Variants in PTPRG observed in about 807,000 individuals in gnomAD.
The protein encoded by PTPRG is protein tyrosine phosphatase receptor type G, also known as receptor-type tyrosine-protein phosphatase gamma.
A neutral mutation model predicts 165.3 loss-of-function variants in PTPRG; 102 were observed. That is an observed-to-expected ratio of 0.62 (90% CI 0.53 to 0.73). The LOEUF is 0.73. PTPRG is among the 30% of genes least tolerant of loss of function. PTPRG has a pLI of 0.00. For synonymous variants in PTPRG, 675 were observed against 669.5 expected (o/e 1.01, Z -0.13); for missense variants, 1,866 against 1,861.4 (o/e 1.00, Z -0.05).
chr3:61,671,779 C>A (rs1344555101), intron 1 of PTPRG, among the ~76,000 whole-genome samples: 3 of 140,582 alleles, frequency 2.1e-5, no homozygotes, highest in East Asian at 2.2e-4. Flanking sequence ...CTGACCCCCC[C>A]ACCTCCCTCC....
intron 2 of PTPRG, among the ~76,000 whole-genome samples, chr3:61,868,499 A>G (rs1475952555): frequency 1.3e-5 from 2 of 152,142 alleles, no homozygotes; most frequent in African/African-American, 4.8e-5. Context: ...TGGGCATTCA[A>G]CACTCTGCCT....
intron 2 of PTPRG, among the ~76,000 whole-genome samples, chr3:61,907,904 T>C (rs2038697208): frequency 6.8e-6 from 1 of 146,320 alleles, no homozygotes; most frequent in Non-Finnish European, 1.5e-5. Flanking sequence ...GTGGGAAAAA[T>C]CACTTGAGGC....
intron 1 of PTPRG, among the ~76,000 whole-genome samples, chr3:61,582,889 A>AGTGC (rs1700335770): frequency 1.3e-5 from 2 of 152,222 alleles, no homozygotes; most frequent in Admixed American, 1.3e-4. Flanking sequence ...GTTGCAGTGT[A>AGTGC]AGACTGAAGC....
At chr3:61,725,809 C>G (rs1016819167) in intron 1 of PTPRG, among the ~76,000 whole-genome samples, 1 of 151,468 alleles carries the variant, frequency 6.6e-6, no homozygotes, top group African/African-American at 2.4e-5. Context: ...ACATTTAATC[C>G]TGAGGGCCAG....
intron 1 of PTPRG, among the ~76,000 whole-genome samples, chr3:61,599,238 C>T (rs893278826): frequency 6.6e-6 from 1 of 152,106 alleles, no homozygotes; most frequent in Non-Finnish European, 1.5e-5. Context: ...CAACCTCCGC[C>T]TCCCAGGTTC....
chr3:61,904,138 C>A (rs1191568525), intron 2 of PTPRG, among the ~76,000 whole-genome samples: 2 of 152,138 alleles, frequency 1.3e-5, no homozygotes, highest in Non-Finnish European at 2.9e-5. Flanking sequence ...TCCTCTCTGG[C>A]GTAACCTCAT....
chr3:61,942,859 A>G (rs1405257258), intron 2 of PTPRG, among the ~76,000 whole-genome samples: 1 of 152,250 alleles, frequency 6.6e-6, no homozygotes, highest in African/African-American at 2.4e-5. Context: ...CTTCCCAAAC[A>G]TGATATGAAG....
At chr3:61,605,392 A>G (rs969610823) in intron 1 of PTPRG, among the ~76,000 whole-genome samples, 2 of 151,586 alleles carry the variant, frequency 1.3e-5, no homozygotes, top group African/African-American at 4.9e-5. Context: ...AGTAGCTGGG[A>G]TTACAGGTGC....
intron 2 of PTPRG, among the ~76,000 whole-genome samples, chr3:61,894,643 A>G (rs2038303171): frequency 6.6e-6 from 1 of 152,144 alleles, no homozygotes; most frequent in African/African-American, 2.4e-5. Context: ...TGTCACCCAG[A>G]TATTAGATAT....
chr3:61,999,060 T>A (rs987652275), intron 3 of PTPRG, among the ~76,000 whole-genome samples: 25 of 152,172 alleles, frequency 1.6e-4, no homozygotes, highest in Admixed American at 1.3e-4. Flanking sequence ...TTTTTTCTTT[T>A]TTTTTGGATG....
intron 16 of PTPRG, among the ~76,000 whole-genome samples, chr3:62,258,121 G>C (rs1306933876): frequency 6.6e-6 from 1 of 152,080 alleles, no homozygotes; most frequent in Non-Finnish European, 1.5e-5. Context: ...CCCCCACTAG[G>C]AGTATTAGCT....
chr3:61,995,737 TTCCTTCCTTCCC>T (rs1373993588), intron 3 of PTPRG, among the ~76,000 whole-genome samples: 18 of 113,290 alleles, frequency 1.6e-4, no homozygotes, highest in East Asian at 1.0e-3. Context: ...CCTTCCTTCC[TTCCTTCCTTCCC>T]TCCCTCTCTC....
intron 5 of PTPRG, among the ~76,000 whole-genome samples, chr3:62,081,286 A>C (rs1701570001): frequency 6.6e-6 from 1 of 151,100 alleles, no homozygotes; most frequent in Non-Finnish European, 1.5e-5. Context: ...ACAAACAAAC[A>C]AACAAACAAA....
chr3:61,976,642 TATAAC>T, intron 2 of PTPRG, among the ~76,000 whole-genome samples: 1 of 152,262 alleles, frequency 6.6e-6, no homozygotes, highest in South Asian at 2.1e-4. Context: ...ATGGATCTGA[TATAAC>T]ATCACATGGA....
chr3:62,067,415 G>C (rs1402597301), intron 4 of PTPRG, among the ~76,000 whole-genome samples: 1 of 152,100 alleles, frequency 6.6e-6, no homozygotes, highest in Non-Finnish European at 1.5e-5. Flanking sequence ...ACGAGGGACC[G>C]GTTTTGGGGA....
At chr3:61,976,922 T>C (rs574847332) in intron 2 of PTPRG, among the ~76,000 whole-genome samples, 1 of 152,246 alleles carries the variant, frequency 6.6e-6, no homozygotes, top group African/African-American at 2.4e-5. Flanking sequence ...TGTTCTGCCA[T>C]GCCTTGGCCT....
chr3:62,056,509 A>G (rs1411859620), intron 4 of PTPRG, among the ~76,000 whole-genome samples: 2 of 152,142 alleles, frequency 1.3e-5, no homozygotes, highest in African/African-American at 2.4e-5. Context: ...AAGCCAAAAG[A>G]TTGGACACCC....
At chr3:61,971,301 T>C (rs1700316831) in intron 2 of PTPRG, among the ~76,000 whole-genome samples, 1 of 152,012 alleles carries the variant, frequency 6.6e-6, no homozygotes, top group African/African-American at 2.4e-5. Flanking sequence ...AGAAGTAGGC[T>C]TATCATCATG....
chr3:61,863,240 C>T (rs1327271375), intron 2 of PTPRG, among the ~76,000 whole-genome samples: 1 of 152,230 alleles, frequency 6.6e-6, no homozygotes, highest in African/African-American at 2.4e-5. Flanking sequence ...ACAGTGAAAT[C>T]TCCTTTCTTC....
Sources: gnomAD v4.1 joint callset for allele counts (sites outside exome capture counted in the v4.1 genomes callset) on GRCh38, gnomAD v4.1.1 for gene constraint, MANE v1.5 for transcripts, NCBI Gene and HGNC (gene_info 2026-07-23, HGNC 2026-07-21) for gene names.